The following CLK2 variants were observed in gnomAD, a reference collection of about 807,000 sequenced individuals.
CLK2 encodes the protein dual specificity protein kinase CLK2.
A neutral mutation model predicts 73.5 loss-of-function variants in CLK2; 12 were observed. The observed-to-expected ratio is 0.16, with a 90% CI of 0.10 to 0.26. The LOEUF is 0.26. Among genes scored for constraint, CLK2 ranks in the 10% least tolerant of loss-of-function variants. CLK2 has a pLI of 1.00. For synonymous variants in CLK2, 232 were observed against 237.9 expected, an observed-to-expected ratio of 0.98 and a Z score of 0.23; for missense variants, 509 against 688.4, an observed-to-expected ratio of 0.74 and a Z score of 2.92.
intron 1 of CLK2, among the ~76,000 whole-genome samples, chr1:155,272,316 A>T (rs1373325542): frequency 6.6e-6 from 1 of 152,128 alleles, no homozygotes; most frequent in Admixed American, 6.6e-5. Context: ...GCGCCTGGCC[A>T]GTAAGTGGTT....
chr1:155,272,208 G>A (rs1254339202), intron 1 of CLK2, among the ~76,000 whole-genome samples: 1 of 152,072 alleles, frequency 6.6e-6, no homozygotes, highest in Non-Finnish European at 1.5e-5. Context: ...TAGAGACAGG[G>A]TTTCTCCATG....
Position 155,269,473 on chromosome 1 carries a change from TG to T in CLK2, c.399+14del, listed in dbSNP as rs1464426694. On this transcript the variant is annotated intron_variant, in intron 3 of 12. Transcript: ENST00000368361. ...CAGAAGAGTGGGGAGAGGAAGGGCC[TG>T]GGCTGGCACTCACCGAAGATGAGCG... 33 of 1,611,428 alleles carry T rather than the reference TG, an allele frequency of 2.0e-5. No homozygotes were observed. The highest frequency in any genetic ancestry group is 2.7e-5 in the Non-Finnish European group (32 of 1,178,442).
In CLK2 at chr1:155,263,167, G is replaced by T. The variant is rs368845441; in HGVS notation, c.*51C>A. The T allele has an allele frequency of 1.9e-6, 3 of 1,551,784 alleles. No individual in the cohort carries two copies. The highest frequency in any genetic ancestry group is 1.2e-5 in the South Asian group (1 of 84,118). The stretch of plus-strand genomic sequence containing the variant: ...TGTATAAAAAAGCACCAGTGTCCTG[G>T]ACTGGACACCCACTGCTATAAAAGA... On this transcript the variant is annotated 3_prime_UTR_variant, in exon 13 of 13. Coordinates refer to ENST00000368361, the MANE Select transcript of CLK2 (RefSeq NM_001294338.2).
At position 155,268,313 on chromosome 1, in the gene CLK2, T is replaced by C; in HGVS notation, c.534A>G (p.Val178=). 6.2e-7 allele frequency: 1 copy of C among 1,614,154 alleles called. No individual in the cohort carries two copies. Among genetic ancestry groups the C allele is most frequent in the East Asian group, 2.2e-5 (1 of 44,888 alleles). ...GTTACCTGCGATGGTCAACACATTG[T>C]ACAACTCGGCCGAAGGTCCCCTCTC... The part of the protein sequence containing the change: ...TLGEGTFGRV[V]QCVDHRRGGA... Residue 178 remains valine (V), a synonymous_variant, in exon 5 of 13, where the codon GTA becomes GTG. Coordinates refer to ENST00000368361, the MANE Select transcript of CLK2 (RefSeq NM_001294338.2). The surrounding 1 kb of genome is among the most constrained non-coding windows in gnomAD (Gnocchi z 5.6).
Position 155,268,652 on chromosome 1 carries a change from T to C in CLK2, c.487+56A>G, listed in dbSNP as rs1373944634. 2.6e-6 allele frequency: 4 copies of C among 1,516,726 alleles called. No homozygotes were observed. The African/African-American group carries it at 5.5e-5, about 21-fold the overall frequency. 94.0% of individuals were successfully genotyped at this position (1,516,726 alleles called of 1,614,324 possible). On this transcript the variant is annotated intron_variant, in intron 4 of 12. Transcript: ENST00000368361. The surrounding 1 kb of genome is among the most constrained non-coding windows in gnomAD (Gnocchi z 5.6). ...CTGTGACTCAGGTTGGCTTGGGACG[T>C]TAGGATGGCTATGGGACCATTACAG...
In CLK2 at chr1:155,263,244, CCCA is replaced by C; in HGVS notation, c.1471_1473del (p.Trp491del). On this transcript the variant is annotated inframe_deletion, in exon 13 of 13. Coordinates refer to ENST00000368361, the MANE Select transcript of CLK2 (RefSeq NM_001294338.2). ...CACCGACTGATATCCCGACTGGAGTCCCACAACTTGTTGGGCGGCTCAGCCCGA... is the reference window on the plus strand; with the variant it reads ...CACCGACTGATATCCCGACTGGAGTCCAACTTGTTGGGCGGCTCAGCCCGA... 1 of 1,613,852 alleles carries C rather than the reference CCCA, an allele frequency of 6.2e-7. No homozygotes were observed. The highest frequency in any genetic ancestry group is 8.5e-7 in the Non-Finnish European group (1 of 1,179,984).
chr1:155,271,077 T>C, intron 1 of CLK2, 100 bp from the exon 2 acceptor site: 1 of 1,218,438 alleles, frequency 8.2e-7, no homozygotes, highest in South Asian at 1.3e-5. Context: ...TTTCCCCTCT[T>C]ATTTCTGCCT....
Position 155,264,201 on chromosome 1 carries a change from A to C in CLK2, c.1226+20T>G, listed in dbSNP as rs1407041410. The stretch of plus-strand genomic sequence containing the variant: ...GGAGAGAAAAGGAAAAGAGTTAACT[A>C]GTGCCCCCTCAAGGTTCACCTTGTC... On this transcript the variant is annotated intron_variant, in intron 11 of 12. Coordinates refer to ENST00000368361, the MANE Select transcript of CLK2 (RefSeq NM_001294338.2). 6.2e-7 allele frequency: 1 copy of C among 1,613,400 alleles called. No individual in the cohort carries two copies. The highest frequency in any genetic ancestry group is 1.1e-5 in the South Asian group (1 of 91,070).
chr1:155,268,240 A>G lies in CLK2; in HGVS notation c.554+53T>C. ...AGGTTAATTAGCAAAAAAGCCCCAT[A>G]TAACCCCAACCATCTCTTTAGCCCC... On this transcript the variant is annotated intron_variant, in intron 5 of 12. Coordinates refer to ENST00000368361, the MANE Select transcript of CLK2 (RefSeq NM_001294338.2). The surrounding 1 kb of genome is among the most constrained non-coding windows in gnomAD (Gnocchi z 5.6). 3 of 1,586,304 alleles carry G rather than the reference A, an allele frequency of 1.9e-6. No individual in the cohort carries two copies.
intron 6 of CLK2, 37 bp downstream of exon 6, chr1:155,267,973 G>A (rs1374060074): frequency 1.4e-6 from 2 of 1,449,252 alleles, no homozygotes; most frequent in East Asian, 2.3e-5. Context: ...AGGGGTTGGG[G>A]CTCTCAGCCT....
At position 155,263,270 on chromosome 1, in the gene CLK2, C is replaced by A; in HGVS notation, c.1448G>T (p.Arg483Leu). Residue 483 changes from arginine to leucine, a missense_variant, in exon 13 of 13, where the codon CGG becomes CTG. Physicochemically the swap from Arg to Leu is moderately radical, Grantham distance 102. Coordinates refer to ENST00000368361, the MANE Select transcript of CLK2 (RefSeq NM_001294338.2). ...CCACAACTTGTTGGGCGGCTCAGCCCGAAGGCGGGCGAAGAAAGGATGCTG... is the reference window on the plus strand; with the variant it reads ...CCACAACTTGTTGGGCGGCTCAGCCAGAAGGCGGGCGAAGAAAGGATGCTG... ...ALQHPFFARL[R>L]AEPPNKLWDS... 2 of 1,614,094 alleles carry A rather than the reference C, an allele frequency of 1.2e-6. No homozygotes were observed. The highest frequency in any genetic ancestry group is 1.7e-6 in the Non-Finnish European group (2 of 1,180,026).
intron 8 of CLK2, among the ~76,000 whole-genome samples, chr1:155,265,395 C>T (rs1173250094): frequency 6.6e-6 from 1 of 152,006 alleles, no homozygotes; most frequent in African/African-American, 2.4e-5. Flanking sequence ...GGCAAAACCC[C>T]ATCTCTACTA....
Sources: gnomAD v4.1 joint callset for allele counts (sites outside exome capture counted in the v4.1 genomes callset) on GRCh38, gnomAD v4.1.1 for gene constraint, Gnocchi (gnomAD v3.1) non-coding constraint, MANE v1.5 for transcripts, NCBI Gene and HGNC (gene_info 2026-07-23, HGNC 2026-07-21) for gene names.